The following PWWP3B variants were observed in gnomAD, a reference collection of about 807,000 sequenced individuals.
The protein encoded by PWWP3B is PWWP domain-containing DNA repair factor 3B.
A neutral mutation model predicts 15.7 loss-of-function variants in PWWP3B; 5 were observed. That is an observed-to-expected ratio of 0.32 (90% confidence interval 0.17 to 0.67). The LOEUF is 0.67. Ranked by LOEUF, PWWP3B falls within the 30% of genes least tolerant of loss-of-function variation. The pLI, the probability that PWWP3B is intolerant of heterozygous loss-of-function variation, is 0.74. For missense variants in PWWP3B, 519 were observed against 493.1 expected (o/e 1.05, Z -0.50); for synonymous variants, 203 against 179.8 (o/e 1.13, Z -1.03).
At chrX:106,172,299 A>G (rs1263408217) in intron 2 of PWWP3B, among the ~76,000 whole-genome samples, 2 of 111,242 alleles carry the variant, frequency 1.8e-5, no homozygotes, top group African/African-American at 6.5e-5. Flanking sequence ...AGCTTATGGT[A>G]ACATTTTACT....
At position 106,207,931 on chromosome X, in the gene PWWP3B, A is replaced by G. The variant is rs995712523; in HGVS notation, c.*408A>G. ...GATTGGAAAAAAGTCTGAAAGATAC[A>G]TCATTTCTATATTCCTTGCTTAATT... On this transcript the variant is annotated 3_prime_UTR_variant, in exon 4 of 4. Transcript: ENST00000357175. The G allele has an allele frequency of 2.4e-5, 3 of 127,599 alleles. No homozygotes were observed. The highest frequency in any genetic ancestry group is 1.9e-4 in the Admixed American group (2 of 10,772). The allele number at this position is 127,599 out of a possible 1,213,427, so 10.5% of individuals were successfully genotyped here. A position where few individuals can be genotyped will look rare whatever the true frequency, so the allele number is the denominator to read the frequency against.
At chrX:106,168,677 T>C (rs747244929) in intron 1 of PWWP3B, among the ~76,000 whole-genome samples, 2 of 112,523 alleles carry the variant, frequency 1.8e-5, no homozygotes, top group Non-Finnish European at 3.8e-5. Context: ...AGATAAATGA[T>C]GAAACAAAAC....
Position 106,198,731 on chromosome X carries a change from C to T in PWWP3B, c.-400-5254C>T, listed in dbSNP as rs745401944. ...ATATTGTTCATGGAATTAATCTTTT[C>T]CTTTGCATTTCATTTTGAAAATGGT... is the stretch of plus-strand genomic sequence containing the variant. On this transcript the variant is annotated intron_variant, in intron 2 of 3. Transcript: ENST00000357175. Among the ~76,000 whole-genome samples the T allele has an allele frequency of 2.7e-5, 3 of 111,457 alleles. No individual in the cohort carries two copies. The Admixed American group carries it at 2.9e-4, about 11-fold the overall frequency.
At chrX:106,182,544 T>TTCTGTAGTCTG (rs1380734492) in intron 2 of PWWP3B, among the ~76,000 whole-genome samples, 1 of 111,678 alleles carries the variant, frequency 9.0e-6, no homozygotes, top group Non-Finnish European at 1.9e-5. Flanking sequence ...GTCTGTTGTT[T>TTCTGTAGTCTG]TCATTTTCCC....
chrX:106,183,131 A>G (rs1430799348), intron 2 of PWWP3B, among the ~76,000 whole-genome samples: 3 of 110,939 alleles, frequency 2.7e-5, no homozygotes, highest in Non-Finnish European at 5.7e-5. Context: ...ATTACTGAGT[A>G]TGGTCCTTCC....
intron 2 of PWWP3B, among the ~76,000 whole-genome samples, chrX:106,194,397 C>T (rs909329737): frequency 5.4e-5 from 6 of 111,924 alleles, no homozygotes; most frequent in African/African-American, 2.0e-4. Flanking sequence ...TCCATCAGGT[C>T]CTTTAAGGAC....
chrX:106,178,796 T>C (rs757847323), intron 2 of PWWP3B, among the ~76,000 whole-genome samples: 1 of 112,469 alleles, frequency 8.9e-6, no homozygotes, highest in South Asian at 3.7e-4. Context: ...ATACAGGAAA[T>C]AGTATCTTTC....
Position 106,205,775 on chromosome X carries a change from A to G in PWWP3B, c.343A>G (p.Thr115Ala), listed in dbSNP as rs1413891830. ...QASTSDEEEI[T>A]MLSQNVPQKQ... The stretch of plus-strand genomic sequence containing the variant: ...AAGCACTTCAGATGAAGAGGAGATC[A>G]CTATGCTGTCTCAAAATGTACCACA... The change falls in exon 4 of 4, where the codon ACT (threonine) becomes GCT (alanine). Residue 115 changes from threonine (T) to alanine (A), a missense_variant. Transcript: ENST00000357175. 2 of 1,211,509 alleles carry G rather than the reference A, an allele frequency of 1.7e-6. No homozygotes were observed. Among genetic ancestry groups the G allele is most frequent in the Non-Finnish European group, 2.2e-6 (2 of 895,340 alleles).
At position 106,208,434 on chromosome X, in the gene PWWP3B, C is replaced by T. The variant is rs1924172204; in HGVS notation, c.*911C>T. On this transcript the variant is annotated 3_prime_UTR_variant, in exon 4 of 4. Transcript: ENST00000357175. ...AGGCTGACTGCTTAAGTGCCCATCT[C>T]GTTTGATATAAACTGTAGAAAAGGC... The T allele has an allele frequency of 8.1e-6, 1 of 123,911 alleles. No individual in the cohort carries two copies. Among genetic ancestry groups the T allele is most frequent in the Non-Finnish European group, 1.9e-5 (1 of 53,417 alleles). 10.2% of individuals were successfully genotyped at this position (123,911 alleles called of 1,213,427 possible). A position where few individuals can be genotyped will look rare whatever the true frequency, so the allele number is the denominator to read the frequency against.
intron 2 of PWWP3B, among the ~76,000 whole-genome samples, chrX:106,195,138 T>C (rs1005247673): frequency 3.6e-5 from 4 of 112,170 alleles, no homozygotes; most frequent in Non-Finnish European, 7.5e-5. Flanking sequence ...CATATTTTCA[T>C]GTGTTCACTT....
At chrX:106,190,412 T>C (rs868553269) in intron 2 of PWWP3B, among the ~76,000 whole-genome samples, 17 of 111,899 alleles carry the variant, frequency 1.5e-4, no homozygotes, top group African/African-American at 5.5e-4. Flanking sequence ...TCTTGTAAAT[T>C]TGTTTGAGTT....
Position 106,207,593 on chromosome X carries a change from T to C in PWWP3B, c.*70T>C. The stretch of plus-strand genomic sequence containing the variant: ...TAGTTGAAAAAAGTCTCTGAACAAT[T>C]CTCTCTAATACATATTTTCTGCAAA... On this transcript the variant is annotated 3_prime_UTR_variant, in exon 4 of 4. Transcript: ENST00000357175. 9.8e-7 allele frequency: 1 copy of C among 1,015,812 alleles called. No homozygotes were observed. Among genetic ancestry groups the C allele is most frequent in the Non-Finnish European group, 1.3e-6 (1 of 771,154 alleles). 83.7% of individuals were successfully genotyped at this position (1,015,812 alleles called of 1,213,427 possible). A position where few individuals can be genotyped will look rare whatever the true frequency, so the allele number is the denominator to read the frequency against.
chrX:106,203,894 A>C (rs1923842678), intron 2 of PWWP3B, 91 bp from the exon 3 acceptor site: 1 of 112,568 alleles, frequency 8.9e-6, no homozygotes, highest in African/African-American at 3.2e-5. Context: ...CCTATGTTTT[A>C]GAATGACATG....
chrX:106,190,054 T>C (rs2147611647), intron 2 of PWWP3B, among the ~76,000 whole-genome samples: 1 of 111,967 alleles, frequency 8.9e-6, no homozygotes, highest in South Asian at 3.8e-4. Flanking sequence ...TTTGGGTATA[T>C]ACCCAGTAAT....
At chrX:106,185,483 G>T (rs1922456580) in intron 2 of PWWP3B, among the ~76,000 whole-genome samples, 1 of 111,334 alleles carries the variant, frequency 9.0e-6, no homozygotes, top group Admixed American at 9.5e-5. Context: ...CAGAGTAGTT[G>T]TGCTCACCAG....
In PWWP3B at chrX:106,191,262, T is replaced by A. The variant is rs1350700045; in HGVS notation, c.-400-12723T>A. ...GTTCTCCTTGAAGAGGTCCTTCACA[T>A]CCCTTGTAAGTTGGATTCCTAGGTA... On this transcript the variant is annotated intron_variant, in intron 2 of 3. Transcript: ENST00000357175. Among the ~76,000 whole-genome samples, 60 of 111,032 alleles carry A rather than the reference T, an allele frequency of 5.4e-4. 2 individuals carry two copies. Among genetic ancestry groups the A allele is most frequent in the Admixed American group, 4.6e-3 (48 of 10,501 alleles).
rs1924150664 is a variant in PWWP3B at position 106,208,073 on chromosome X, T to C, written c.*550T>C. 1 of 124,194 alleles carries C rather than the reference T, an allele frequency of 8.1e-6. No individual in the cohort carries two copies. The highest frequency in any genetic ancestry group is 1.9e-5 in the Non-Finnish European group (1 of 53,506). The allele number at this position is 124,194 out of a possible 1,213,427, so 10.2% of individuals were successfully genotyped here. The stretch of plus-strand genomic sequence containing the variant: ...AACCAAAGATAGATTCGCTTTGCTA[T>C]ATATTATAACTATACTTGCTTTTGC... On this transcript the variant is annotated 3_prime_UTR_variant, in exon 4 of 4. Coordinates refer to ENST00000357175, the MANE Select transcript of PWWP3B (RefSeq NM_001171020.2).
intron 1 of PWWP3B, among the ~76,000 whole-genome samples, chrX:106,168,764 G>T (rs1159775912): frequency 8.9e-6 from 1 of 111,862 alleles, no homozygotes; most frequent in Admixed American, 9.5e-5. Context: ...GGGGATGTTG[G>T]TTTTTTATAT....
At position 106,207,360 on chromosome X, in the gene PWWP3B, A is replaced by G; in HGVS notation, c.1928A>G (p.Glu643Gly). 8.4e-7 allele frequency: 1 copy of G among 1,184,857 alleles called. No individual in the cohort carries two copies. The highest frequency in any genetic ancestry group is 1.1e-6 in the Non-Finnish European group (1 of 881,327). The change falls in exon 4 of 4, where the codon GAA becomes GGA. Residue 643 changes from glutamate to glycine, a missense_variant. Glu to Gly is a moderately conservative substitution (Grantham distance 98, BLOSUM62 -2). Transcript: ENST00000357175. ...TTTATCCTAGAAGTTCTTCTGCCAGAAGCAATTATTTGTTCAATTTCTGCT... is the reference window on the plus strand; with the variant it reads ...TTTATCCTAGAAGTTCTTCTGCCAGGAGCAATTATTTGTTCAATTTCTGCT... ...IKFILEVLLP[E>G]AIICSISAVD...
Sources: gnomAD v4.1 joint callset for allele counts (sites outside exome capture counted in the v4.1 genomes callset) on GRCh38, gnomAD v4.1.1 for gene constraint, MANE v1.5 for transcripts, NCBI Gene and HGNC (gene_info 2026-07-23, HGNC 2026-07-21) for gene names.